Variants in PTPRA observed in about 807,000 individuals in gnomAD.
PTPRA encodes receptor-type tyrosine-protein phosphatase alpha.
PTPRA carries 25 observed loss-of-function variants against 104.8 expected under a neutral mutation model. That is an observed-to-expected ratio of 0.24 (90% CI 0.17 to 0.33). The LOEUF is 0.33. Ranked by LOEUF, PTPRA falls within the 10% of genes least tolerant of loss-of-function variation. PTPRA has a pLI of 1.00. For synonymous variants in PTPRA, 323 were observed against 368.9 expected (o/e 0.88, Z 1.43); for missense variants, 765 against 1,015.3 (o/e 0.75, Z 3.35).
Position 2,921,278 on chromosome 20 carries a change from A to G in PTPRA, c.-128-1929A>G, listed in dbSNP as rs144965836. On this transcript the variant is annotated intron_variant, in intron 1 of 23. Transcript: ENST00000399903. Reference sequence around the variant, plus strand: ...AGCTGAGCTTACGAGATGTCTGTGAAGCCCATTGTCTGATCTTTTATTTCC... The same window carrying G: ...AGCTGAGCTTACGAGATGTCTGTGAGGCCCATTGTCTGATCTTTTATTTCC... 6.0e-4 allele frequency among the ~76,000 whole-genome samples: 91 copies of G among 150,462 alleles called. 1 individual carries two copies. Among genetic ancestry groups the G allele is most frequent in the African/African-American group, 1.9e-3 (79 of 41,050 alleles).
chr20:2,875,760 G>A (rs1345966869), intron 1 of PTPRA, among the ~76,000 whole-genome samples: 1 of 152,128 alleles, frequency 6.6e-6, no homozygotes, highest in East Asian at 1.9e-4. Context: ...CCAAACAGTG[G>A]GCAAATGAGG....
intron 9 of PTPRA, among the ~76,000 whole-genome samples, chr20:2,998,418 G>T (rs1189386333): frequency 6.6e-6 from 1 of 152,132 alleles, no homozygotes; most frequent in Non-Finnish European, 1.5e-5. Context: ...TTGATGAGTT[G>T]TCCCAAAATA....
intron 2 of PTPRA, among the ~76,000 whole-genome samples, chr20:2,932,169 G>T (rs1461432910): frequency 6.6e-6 from 1 of 152,146 alleles, no homozygotes; most frequent in Non-Finnish European, 1.5e-5. Flanking sequence ...ACCATAACAT[G>T]TCAAATGCAA....
intron 3 of PTPRA, among the ~76,000 whole-genome samples, chr20:2,949,784 G>T (rs2061292329): frequency 6.6e-6 from 1 of 151,584 alleles, no homozygotes; most frequent in African/African-American, 2.4e-5. Flanking sequence ...CTATTTAAAA[G>T]GATTTTTTAA....
intron 3 of PTPRA, among the ~76,000 whole-genome samples, chr20:2,949,525 T>C (rs904834413): frequency 3.3e-5 from 5 of 152,080 alleles, no homozygotes; most frequent in African/African-American, 1.2e-4. Context: ...ACTCCTGGGC[T>C]CAAGCAATCC....
intron 9 of PTPRA, among the ~76,000 whole-genome samples, chr20:2,988,957 G>C (rs1244236460): frequency 6.6e-6 from 1 of 152,250 alleles, no homozygotes; most frequent in African/African-American, 2.4e-5. Flanking sequence ...TAGAGCAGGG[G>C]TGTCAGTGTT....
chr20:2,865,758 A>G, the PTPRA span, among the ~76,000 whole-genome samples: 8 of 152,100 alleles, frequency 5.3e-5, no homozygotes, highest in African/African-American at 1.9e-4. This position sits in a 1 kb window ranked among gnomAD's most constrained non-coding sequence, Gnocchi z 5.2. Context: ...AGGGGGCACT[A>G]TGTGCTAGAG....
chr20:2,892,289 C>CAAAA (rs34741114), intron 1 of PTPRA, among the ~76,000 whole-genome samples: 4 of 80,518 alleles, frequency 5.0e-5, no homozygotes, highest in Non-Finnish European at 7.4e-5. Context: ...GACTCTGTCT[C>CAAAA]AAAAAAAAAA....
chr20:3,010,252 C>T (rs536905435), intron 11 of PTPRA, among the ~76,000 whole-genome samples: 2 of 152,134 alleles, frequency 1.3e-5, no homozygotes, highest in Middle Eastern at 3.2e-3. Flanking sequence ...CAGGTGCTTC[C>T]ATCTTTCTAC....
chr20:2,932,995 G>C (rs2060563070), intron 2 of PTPRA, among the ~76,000 whole-genome samples: 1 of 152,160 alleles, frequency 6.6e-6, no homozygotes, highest in Non-Finnish European at 1.5e-5. Flanking sequence ...TGAGGTTTCT[G>C]GTTTTATTGG....
At chr20:3,033,880 A>G (rs2148516629) in intron 20 of PTPRA, among the ~76,000 whole-genome samples, 1 of 145,080 alleles carries the variant, frequency 6.9e-6, no homozygotes, top group South Asian at 2.3e-4. Context: ...AGCGTGGGCA[A>G]TAAGAGTGAA....
chr20:2,989,852 C>T (rs977627763), intron 9 of PTPRA, among the ~76,000 whole-genome samples: 3 of 151,992 alleles, frequency 2.0e-5, no homozygotes, highest in African/African-American at 4.8e-5. Flanking sequence ...CCTGTCTCTA[C>T]TAAAAATACA....
At chr20:2,875,951 A>G (rs192011126) in intron 1 of PTPRA, among the ~76,000 whole-genome samples, 4 of 152,334 alleles carry the variant, frequency 2.6e-5, no homozygotes, top group African/African-American at 9.6e-5. Flanking sequence ...AGGGAGCAGC[A>G]CAAGCAAACT....
Position 2,885,000 on chromosome 20 carries a change from G to A in PTPRA, c.-129+11240G>A, listed in dbSNP as rs183694152. On this transcript the variant is annotated intron_variant, in intron 1 of 23. Transcript: ENST00000399903. ...AATTTTTTGTATTTTTAGTAGAGAT[G>A]GGATTTCACAGTGTTAGCCAGGATG... 9.3e-4 allele frequency among the ~76,000 whole-genome samples: 142 copies of A among 152,084 alleles called. 1 individual carries two copies. Among genetic ancestry groups the A allele is most frequent in the East Asian group, 3.7e-3 (19 of 5,186 alleles).
chr20:2,890,332 C>T (rs1347647826), intron 1 of PTPRA, among the ~76,000 whole-genome samples: 1 of 152,046 alleles, frequency 6.6e-6, no homozygotes, highest in Non-Finnish European at 1.5e-5. Flanking sequence ...GTTCATATTC[C>T]ATGCCTGCCA....
At chr20:2,987,630 A>G (rs747678247) in intron 7 of PTPRA, among the ~76,000 whole-genome samples, 4 of 152,154 alleles carry the variant, frequency 2.6e-5, no homozygotes, top group Non-Finnish European at 5.9e-5. Flanking sequence ...TGTCCACCCA[A>G]TCCAAAGCTC....
intron 1 of PTPRA, among the ~76,000 whole-genome samples, chr20:2,910,920 C>G (rs1216646156): frequency 7.6e-6 from 1 of 131,186 alleles, no homozygotes; most frequent in Non-Finnish European, 1.6e-5. Context: ...TTTATTTTAA[C>G]TTTTTTTTTT....
chr20:2,920,465 T>C (rs6051475), intron 1 of PTPRA, among the ~76,000 whole-genome samples: 1 of 152,148 alleles, frequency 6.6e-6, no homozygotes, highest in Non-Finnish European at 1.5e-5. Flanking sequence ...TGAGCTGGAC[T>C]TGGGCACCAG....
chr20:2,960,136 A>G (rs555458060), intron 3 of PTPRA, among the ~76,000 whole-genome samples: 3 of 152,290 alleles, frequency 2.0e-5, no homozygotes, highest in Non-Finnish European at 2.9e-5. Context: ...GGACAAATGT[A>G]TAATGACATG....
Sources: allele counts gnomAD v4.1 joint callset (sites outside exome capture counted in the v4.1 genomes callset), GRCh38; gene constraint gnomAD v4.1.1; non-coding constraint Gnocchi (gnomAD v3.1); transcripts MANE v1.5; gene names NCBI Gene and HGNC (gene_info 2026-07-23, HGNC 2026-07-21).